Variants in ROR1 observed in about 807,000 individuals in gnomAD.
ROR1 encodes the protein inactive tyrosine-protein kinase transmembrane receptor ROR1.
Under a neutral mutation model 78.8 loss-of-function variants are expected in ROR1, and 19 were observed. The ratio of observed to expected loss-of-function variants is 0.24; its 90% CI spans 0.17 to 0.35. ROR1 has a LOEUF of 0.35. ROR1 is among the 10% of genes least tolerant of loss of function. ROR1 has a pLI of 1.00. For missense variants in ROR1, 917 were observed against 1,177.8 expected, an observed-to-expected ratio of 0.78 and a Z score of 3.24; for synonymous variants, 386 against 433.6, an observed-to-expected ratio of 0.89 and a Z score of 1.36.
intron 4 of ROR1, among the ~76,000 whole-genome samples, chr1:64,057,066 C>T (rs775983978): frequency 3.9e-5 from 6 of 152,150 alleles, no homozygotes; most frequent in Admixed American, 1.3e-4. Flanking sequence ...TGAAAACCAT[C>T]GCCTGATGCA....
intron 4 of ROR1, among the ~76,000 whole-genome samples, chr1:64,136,086 T>C (rs745621038): frequency 4.6e-5 from 7 of 152,204 alleles, no homozygotes; most frequent in Non-Finnish European, 8.8e-5. Context: ...GTCCCTTTGG[T>C]CATTGTAAAT....
intron 1 of ROR1, among the ~76,000 whole-genome samples, chr1:63,855,664 T>G (rs1645143205): frequency 6.6e-6 from 1 of 152,130 alleles, no homozygotes; most frequent in Non-Finnish European, 1.5e-5. Flanking sequence ...CTTTTTTTTT[T>G]TTTGAGACGT....
intron 1 of ROR1, among the ~76,000 whole-genome samples, chr1:63,922,496 T>C (rs944871775): frequency 1.1e-4 from 17 of 151,900 alleles, no homozygotes; most frequent in African/African-American, 4.1e-4. Flanking sequence ...CATGAGTTTA[T>C]GTCGAAGCCC....
chr1:63,800,196 T>C (rs1644787077), intron 1 of ROR1, among the ~76,000 whole-genome samples: 1 of 152,180 alleles, frequency 6.6e-6, no homozygotes, highest in Admixed American at 6.5e-5. Context: ...TCCGCATGGA[T>C]GTTGAAAATG....
intron 1 of ROR1, among the ~76,000 whole-genome samples, chr1:63,782,502 G>A (rs1222602853): frequency 2.0e-5 from 3 of 149,836 alleles, no homozygotes; most frequent in South Asian, 2.1e-4. Context: ...GGTTTTATGT[G>A]AACCAAAAAC....
At position 63,795,180 on chromosome 1, in the gene ROR1, C is replaced by T. The variant is rs561356625; in HGVS notation, c.91+20672C>T. The stretch of plus-strand genomic sequence containing the variant: ...CAGAGGGCTGATGGATTACATTCTT[C>T]GAGTTAGAAATCATCAGAAGCCCCG... On this transcript the variant is annotated intron_variant, in intron 1 of 8. Transcript: ENST00000371079. Among the ~76,000 whole-genome samples the T allele has an allele frequency of 4.6e-5, 7 of 152,184 alleles. No individual in the cohort carries two copies. The South Asian group carries it at 8.3e-4, about 18-fold the overall frequency.
chr1:63,971,227 C>A (rs572369351), intron 1 of ROR1, among the ~76,000 whole-genome samples: 2 of 152,164 alleles, frequency 1.3e-5, no homozygotes, highest in African/African-American at 4.8e-5. Flanking sequence ...AGGTATATGA[C>A]CTTGGGCAAA....
intron 4 of ROR1, among the ~76,000 whole-genome samples, chr1:64,054,556 A>G (rs796701791): frequency 2.0e-4 from 31 of 152,316 alleles, no homozygotes; most frequent in African/African-American, 6.5e-4. Flanking sequence ...TTGGAAATGA[A>G]CTAAGAATTA....
intron 4 of ROR1, among the ~76,000 whole-genome samples, chr1:64,087,748 A>G (rs1031081280): frequency 6.6e-6 from 1 of 152,222 alleles, no homozygotes; most frequent in Non-Finnish European, 1.5e-5. Flanking sequence ...TTGAAAATGA[A>G]AACCAAAAAA....
At chr1:63,964,821 G>T (rs1398708524) in intron 1 of ROR1, among the ~76,000 whole-genome samples, 2 of 152,198 alleles carry the variant, frequency 1.3e-5, no homozygotes, top group Non-Finnish European at 2.9e-5. Flanking sequence ...TTCACCTACT[G>T]TGTCTGAGCA....
At chr1:63,955,827 C>T (rs7516239) in intron 1 of ROR1, among the ~76,000 whole-genome samples, 50,128 of 152,116 alleles carry the variant, frequency 0.33, 12,474 homozygotes, top group African/African-American at 0.71. Context: ...AGTACATTGC[C>T]AAGCAAGTGT....
chr1:64,161,516 A>G (rs781376996), intron 8 of ROR1, among the ~76,000 whole-genome samples: 5 of 152,246 alleles, frequency 3.3e-5, no homozygotes, highest in Non-Finnish European at 5.9e-5. Context: ...ATGTAGCCCT[A>G]GCCCTGCCAG....
intron 1 of ROR1, among the ~76,000 whole-genome samples, chr1:63,977,173 T>C (rs1016594154): frequency 6.6e-6 from 1 of 152,070 alleles, no homozygotes; most frequent in Non-Finnish European, 1.5e-5. Context: ...TTACCTCCCA[T>C]TGGGTCCCTC....
At chr1:64,059,659 A>C (rs1646901482) in intron 4 of ROR1, among the ~76,000 whole-genome samples, 1 of 150,910 alleles carries the variant, frequency 6.6e-6, no homozygotes, top group Admixed American at 6.6e-5. Flanking sequence ...CAGTGAACCG[A>C]GATCATTCCA....
At chr1:63,989,598 T>TC (rs1466737644) in intron 1 of ROR1, among the ~76,000 whole-genome samples, 1 of 152,142 alleles carries the variant, frequency 6.6e-6, no homozygotes, top group Non-Finnish European at 1.5e-5. Context: ...ATAAATAATA[T>TC]CCCCCTCCCA....
intron 4 of ROR1, among the ~76,000 whole-genome samples, chr1:64,095,873 T>G (rs746351199): frequency 1.7e-4 from 26 of 152,152 alleles, no homozygotes; most frequent in Non-Finnish European, 3.4e-4. Context: ...GCCAAAGAAG[T>G]AAAGTGATAG....
At chr1:64,090,653 T>A (rs191151037) in intron 4 of ROR1, among the ~76,000 whole-genome samples, 6 of 152,330 alleles carry the variant, frequency 3.9e-5, no homozygotes, top group African/African-American at 1.4e-4. Context: ...TGCTCTTGAT[T>A]ACACAGAGGA....
rs1649354199 is a variant in ROR1, at chr1:64,142,592, C to T, written c.1116C>T (p.Pro372=). The T allele has an allele frequency of 6.2e-7, 1 of 1,614,010 alleles. No individual in the cohort carries two copies. The highest frequency in any genetic ancestry group is 1.7e-5 in the Admixed American group (1 of 59,990). Residue 372 remains proline, a synonymous_variant, in exon 7 of 9, where the codon CCC becomes CCT. Coordinates refer to ENST00000371079, the MANE Select transcript of ROR1 (RefSeq NM_005012.4). ...ACCCAGGGAATCAAAAGGAAGCTCC[C>T]TGGTGCTTCACCTTGGATGAAAACT... ...CRNPGNQKEA[P]WCFTLDENFK... is the part of the protein sequence containing the mutation.
At chr1:64,017,289 G>T (rs999633994) in intron 2 of ROR1, among the ~76,000 whole-genome samples, 7 of 152,102 alleles carry the variant, frequency 4.6e-5, no homozygotes, top group Non-Finnish European at 8.8e-5. Flanking sequence ...GTATCCCTTT[G>T]CTGGCAACCA....
Sources: gnomAD v4.1 joint callset for allele counts (sites outside exome capture counted in the v4.1 genomes callset) on GRCh38, gnomAD v4.1.1 for gene constraint, MANE v1.5 for transcripts, NCBI Gene and HGNC (gene_info 2026-07-23, HGNC 2026-07-21) for gene names.